Variants in EMC2 observed in about 807,000 individuals in gnomAD.
EMC2 encodes TPR repeat protein 35.
A neutral mutation model predicts 51.6 loss-of-function variants in EMC2; 37 were observed. The observed-to-expected ratio is 0.72, with a 90% confidence interval of 0.55 to 0.94. The LOEUF is 0.94. Among genes scored for constraint, EMC2 ranks in the 40% least tolerant of loss-of-function variants. EMC2 has a pLI of 0.00. For missense variants in EMC2, 359 were observed against 350.9 expected (o/e 1.02, Z -0.18); for synonymous variants, 131 against 112.4 (o/e 1.17, Z -1.04).
At chr8:108,469,791 T>C in intron 5 of EMC2, 35 bp from the exon 6 acceptor site, 1 of 1,556,480 alleles carries the variant, frequency 6.4e-7, no homozygotes, top group South Asian at 1.1e-5. Context: ...CAAGGAATCA[T>C]AAGGGCCTAA....
At position 108,487,137 on chromosome 8, in the gene EMC2, A is replaced by C. The variant is rs530740462; in HGVS notation, c.*539A>C. On this transcript the variant is annotated 3_prime_UTR_variant, in exon 11 of 11. Coordinates refer to ENST00000220853, the MANE Select transcript of EMC2 (RefSeq NM_014673.5). ...ATCTGCTGTAATATCCTTCTGATGA[A>C]TCTTGCTTAAAATATGTCATTCTCC... Among the ~76,000 whole-genome samples, 3 of 152,198 alleles carry C rather than the reference A, an allele frequency of 2.0e-5. No individual in the cohort carries two copies. In the East Asian group the frequency reaches 5.8e-4, roughly 29 times the overall value.
intron 4 of EMC2, among the ~76,000 whole-genome samples, chr8:108,453,945 G>A (rs1819093251): frequency 6.6e-6 from 1 of 152,038 alleles, no homozygotes; most frequent in Non-Finnish European, 1.5e-5. Flanking sequence ...TCTTGAGAAT[G>A]AGCCCTTTAT....
intron 8 of EMC2, among the ~76,000 whole-genome samples, chr8:108,476,503 G>A (rs1006054390): frequency 6.6e-6 from 1 of 151,870 alleles, no homozygotes; most frequent in Admixed American, 6.6e-5. Flanking sequence ...CGAGGCAGCT[G>A]AAATAGAAAT....
At chr8:108,447,739 T>A (rs1387318040) in intron 1 of EMC2, among the ~76,000 whole-genome samples, 1 of 152,064 alleles carries the variant, frequency 6.6e-6, no homozygotes, top group African/African-American at 2.4e-5. Flanking sequence ...GCACAGTAGT[T>A]AATAAAATGT....
At chr8:108,454,983 T>C (rs71524787) in intron 4 of EMC2, among the ~76,000 whole-genome samples, 3,521 of 152,156 alleles carry the variant, frequency 0.023, 55 homozygotes, top group South Asian at 0.046. Context: ...TTTTTTCTTC[T>C]GGCATCTTTT....
chr8:108,466,440 G>T (rs1232353588), intron 5 of EMC2, among the ~76,000 whole-genome samples: 6 of 132,576 alleles, frequency 4.5e-5, no homozygotes, highest in Admixed American at 2.5e-4. Flanking sequence ...AGCTATGATA[G>T]AATTTTTTTT....
chr8:108,474,298 A>G (rs577238690), intron 7 of EMC2: 1 of 152,114 alleles, frequency 6.6e-6, no homozygotes, highest in African/African-American at 2.4e-5. Flanking sequence ...TTTTGGCATC[A>G]TACTATTAAT....
intron 8 of EMC2, 53 bp from the exon 9 acceptor site, chr8:108,476,729 A>G (rs917970365): frequency 3.5e-5 from 28 of 792,008 alleles, no homozygotes; most frequent in South Asian, 3.2e-4. Context: ...AAACCATGCT[A>G]TATTTCAAAG....
intron 5 of EMC2, among the ~76,000 whole-genome samples, chr8:108,459,468 A>G (rs1380760237): frequency 1.3e-5 from 2 of 152,210 alleles, no homozygotes; most frequent in Non-Finnish European, 2.9e-5. Context: ...GTAGAAGGCA[A>G]GGAGGAGCAA....
intron 3 of EMC2, among the ~76,000 whole-genome samples, chr8:108,451,629 T>G (rs964566681): frequency 6.6e-6 from 1 of 151,760 alleles, no homozygotes; most frequent in African/African-American, 2.4e-5. Flanking sequence ...TTGGATTACC[T>G]TCAGAACCTA....
chr8:108,452,819 C>T (rs112509147), intron 3 of EMC2, among the ~76,000 whole-genome samples: 3 of 152,116 alleles, frequency 2.0e-5, no homozygotes, highest in Non-Finnish European at 4.4e-5. Flanking sequence ...ATTAGTGGTT[C>T]TCATAATCTG....
At chr8:108,463,675 C>T (rs1268824263) in intron 5 of EMC2, among the ~76,000 whole-genome samples, 1 of 151,650 alleles carries the variant, frequency 6.6e-6, no homozygotes, top group Non-Finnish European at 1.5e-5. Context: ...TCCTCTGTGC[C>T]AAGGGTAAAG....
chr8:108,456,358 A>C (rs1459998152), intron 5 of EMC2, among the ~76,000 whole-genome samples: 3 of 148,318 alleles, frequency 2.0e-5, no homozygotes, highest in African/African-American at 4.9e-5. Context: ...GAAAAAAAAA[A>C]AAACAACTTC....
At chr8:108,484,367 GTAT>G (rs1311910697) in intron 10 of EMC2, among the ~76,000 whole-genome samples, 1 of 152,020 alleles carries the variant, frequency 6.6e-6, no homozygotes, top group African/African-American at 2.4e-5. Flanking sequence ...TGATAGATTT[GTAT>G]TTCCAACTTT....
At chr8:108,466,822 G>GT in intron 5 of EMC2, among the ~76,000 whole-genome samples, 1 of 152,180 alleles carries the variant, frequency 6.6e-6, no homozygotes, top group East Asian at 1.9e-4. Context: ...AAGAAGCCTT[G>GT]TTGAACCTCA....
chr8:108,446,871 GGT>G (rs1818889020), intron 1 of EMC2, among the ~76,000 whole-genome samples: 1 of 152,116 alleles, frequency 6.6e-6, no homozygotes, highest in Non-Finnish European at 1.5e-5. Flanking sequence ...AGCTATGTAA[GGT>G]GTATAGCTTA....
chr8:108,445,284 G>A (rs1308363855), intron 1 of EMC2, among the ~76,000 whole-genome samples: 2 of 152,218 alleles, frequency 1.3e-5, no homozygotes, highest in East Asian at 3.9e-4. Flanking sequence ...CTATTAGCTA[G>A]TGCTAATATG....
Position 108,482,266 on chromosome 8 carries a change from C to G in EMC2, c.807+3156C>G, listed in dbSNP as rs561698327. Among the ~76,000 whole-genome samples the G allele has an allele frequency of 2.0e-5, 3 of 152,238 alleles. No homozygotes were observed. The East Asian group carries it at 5.8e-4, about 29-fold the overall frequency. ...TGATCAGTTGCCATTTGGATGTCCT[C>G]TTTCGTGAAATGTTTTTCTCATTGG... is the stretch of plus-strand genomic sequence containing the variant. On this transcript the variant is annotated intron_variant, in intron 10 of 10. Coordinates refer to ENST00000220853, the MANE Select transcript of EMC2 (RefSeq NM_014673.5).
chr8:108,450,120 A>C (rs1361971869), intron 2 of EMC2, among the ~76,000 whole-genome samples, 184 bp downstream of exon 2: 1 of 152,114 alleles, frequency 6.6e-6, no homozygotes, highest in African/African-American at 2.4e-5. Flanking sequence ...GGTAGTAGTA[A>C]GCTATCAAAT....
Sources: allele counts gnomAD v4.1 joint callset (sites outside exome capture counted in the v4.1 genomes callset), GRCh38; gene constraint gnomAD v4.1.1; transcripts MANE v1.5; gene names NCBI Gene and HGNC (gene_info 2026-07-23, HGNC 2026-07-21).